The following TMEM108 variants were observed in gnomAD, a reference collection of about 807,000 sequenced individuals.
The protein encoded by TMEM108 is cancer/testis antigen 124.
Under a neutral mutation model 35.1 loss-of-function variants are expected in TMEM108, and 12 were observed. The observed-to-expected ratio is 0.34, with a 90% CI of 0.22 to 0.55. TMEM108 has a LOEUF of 0.55. Ranked by LOEUF, TMEM108 falls within the 20% of genes least tolerant of loss-of-function variation. The pLI, the probability that TMEM108 is intolerant of heterozygous loss-of-function variation, is 0.89. For synonymous variants in TMEM108, 287 were observed against 308.6 expected (o/e 0.93, Z 0.73); for missense variants, 680 against 753.3 (o/e 0.90, Z 1.14).
chr3:133,339,352 GA>G (rs2071594316), intron 3 of TMEM108, among the ~76,000 whole-genome samples: 1 of 151,874 alleles, frequency 6.6e-6, no homozygotes, highest in Non-Finnish European at 1.5e-5. Context: ...GCTTTAAGAA[GA>G]GACAAAGAAG....
At chr3:133,264,343 C>T (rs1167635941) in intron 3 of TMEM108, among the ~76,000 whole-genome samples, 2 of 152,060 alleles carry the variant, frequency 1.3e-5, no homozygotes, top group African/African-American at 2.4e-5. Context: ...ATCTATCATG[C>T]TATTTTCCCA....
intron 2 of TMEM108, among the ~76,000 whole-genome samples, chr3:133,125,566 G>A (rs1326904017): frequency 1.3e-5 from 2 of 152,104 alleles, no homozygotes; most frequent in African/African-American, 4.8e-5. Flanking sequence ...GTAGGTGGGG[G>A]TAGTATCAGA....
rs757330882 is a variant in TMEM108 at position 133,390,155 on chromosome 3, T to C, written c.1451-25T>C. ...CACCATCCTTGCTGCCTCCCTCTCCTCTCTGACTTGCACTCTCTCCATAGC... is the reference window on the plus strand; with the variant it reads ...CACCATCCTTGCTGCCTCCCTCTCCCCTCTGACTTGCACTCTCTCCATAGC... On this transcript the variant is annotated intron_variant, in intron 4 of 5. Coordinates refer to ENST00000321871, the MANE Select transcript of TMEM108 (RefSeq NM_023943.4). 5 of 1,613,714 alleles carry C rather than the reference T, an allele frequency of 3.1e-6. No homozygotes were observed. In the East Asian group the frequency reaches 6.7e-5, roughly 22 times the overall value.
intron 2 of TMEM108, among the ~76,000 whole-genome samples, chr3:133,066,499 G>A (rs964834601): frequency 6.6e-6 from 1 of 152,056 alleles, no homozygotes; most frequent in Admixed American, 6.6e-5. Flanking sequence ...CTGGCTTTTA[G>A]GGCCGATATT....
At chr3:133,312,308 G>C (rs1385382169) in intron 3 of TMEM108, among the ~76,000 whole-genome samples, 1 of 152,244 alleles carries the variant, frequency 6.6e-6, no homozygotes. Context: ...AGTTTCTGCT[G>C]TCTTTTGTTC....
chr3:133,104,635 T>A (rs2107718187), intron 2 of TMEM108, among the ~76,000 whole-genome samples: 1 of 152,316 alleles, frequency 6.6e-6, no homozygotes, highest in Admixed American at 6.5e-5. Context: ...GCTGGAAGTT[T>A]TCATTTCTCT....
intron 2 of TMEM108, among the ~76,000 whole-genome samples, chr3:133,224,552 A>G (rs553550435): frequency 6.6e-6 from 1 of 152,200 alleles, no homozygotes; most frequent in African/African-American, 2.4e-5. Context: ...TTTTCCCTAT[A>G]CTGTTCTCAT....
chr3:133,038,449 C>G lies in TMEM108; in HGVS notation c.-166+14C>G, dbSNP rs869368. ...GCTTCTCCCGAGGTAAGCGGCGCTC[C>G]GGGGCGTCCCCCCAGTCCTTCCCAT... On this transcript the variant is annotated intron_variant, in intron 1 of 5. Transcript: ENST00000321871. The G allele has an allele frequency of 0.27, 40,470 of 152,360 alleles. 5,848 individuals carry two copies. The highest frequency in any genetic ancestry group is 0.32 in the Non-Finnish European group (22,026 of 68,052). 9.4% of individuals were successfully genotyped at this position (152,360 alleles called of 1,614,324 possible).
At chr3:133,051,644 G>A (rs975824421) in intron 2 of TMEM108, among the ~76,000 whole-genome samples, 2 of 151,898 alleles carry the variant, frequency 1.3e-5, no homozygotes, top group Non-Finnish European at 2.9e-5. Context: ...TTATAGTTTT[G>A]TCCTTTACAT....
chr3:133,135,861 G>A (rs778086875), intron 2 of TMEM108, among the ~76,000 whole-genome samples: 1 of 152,186 alleles, frequency 6.6e-6, no homozygotes, highest in Non-Finnish European at 1.5e-5. Flanking sequence ...TTTGGGAGTG[G>A]AGGGAGGGTG....
chr3:133,150,933 G>A (rs1944790936), intron 2 of TMEM108, among the ~76,000 whole-genome samples: 1 of 152,170 alleles, frequency 6.6e-6, no homozygotes, highest in South Asian at 2.1e-4. Context: ...TTCCTGGTCA[G>A]TCCCCAGTTT....
In TMEM108 at chr3:133,372,881, G is replaced by T. The variant is rs546976144; in HGVS notation, c.41-6871G>T. On this transcript the variant is annotated intron_variant, in intron 3 of 5. Coordinates refer to ENST00000321871, the MANE Select transcript of TMEM108 (RefSeq NM_023943.4). ...CAAAACTCCTTGGTTTCATAAAGAAGTGAAGTCACAGGCATGGATTGCCTC... is the reference window on the plus strand; with the variant it reads ...CAAAACTCCTTGGTTTCATAAAGAATTGAAGTCACAGGCATGGATTGCCTC... 2.0e-5 allele frequency among the ~76,000 whole-genome samples: 3 copies of T among 152,354 alleles called. No homozygotes were observed. The East Asian group carries it at 5.8e-4, about 29-fold the overall frequency.
At chr3:133,175,167 G>A (rs1016652699) in intron 2 of TMEM108, among the ~76,000 whole-genome samples, 9 of 152,190 alleles carry the variant, frequency 5.9e-5, no homozygotes, top group African/African-American at 1.7e-4. Flanking sequence ...CAAGAAATAT[G>A]GGACTATGTG....
At chr3:133,104,306 G>T (rs1007402188) in intron 2 of TMEM108, among the ~76,000 whole-genome samples, 1 of 152,170 alleles carries the variant, frequency 6.6e-6, no homozygotes, top group African/African-American at 2.4e-5. Context: ...GCTATCTCTG[G>T]CAGTTATAAT....
At chr3:133,292,220 A>T (rs1947080034) in intron 3 of TMEM108, among the ~76,000 whole-genome samples, 1 of 152,218 alleles carries the variant, frequency 6.6e-6, no homozygotes, top group Admixed American at 6.5e-5. Flanking sequence ...TGGATAAGGA[A>T]ATATGTGTGG....
intron 2 of TMEM108, among the ~76,000 whole-genome samples, chr3:133,217,538 C>T (rs1323075093): frequency 6.6e-6 from 1 of 151,858 alleles, no homozygotes; most frequent in African/African-American, 2.4e-5. Flanking sequence ...ATGTCTTCTT[C>T]TAGTAGTAGA....
chr3:133,151,229 C>T (rs1488099888), intron 2 of TMEM108, among the ~76,000 whole-genome samples: 1 of 152,060 alleles, frequency 6.6e-6, no homozygotes, highest in Non-Finnish European at 1.5e-5. Context: ...TTTTCTGTTG[C>T]CCCCTTAGGA....
intron 2 of TMEM108, among the ~76,000 whole-genome samples, chr3:133,127,879 T>C (rs1014278252): frequency 1.3e-5 from 2 of 152,226 alleles, no homozygotes; most frequent in African/African-American, 2.4e-5. Context: ...AACATTTCCT[T>C]TGCCCCTTGC....
Position 133,112,570 on chromosome 3 carries a change from A to C in TMEM108, c.-47+66550A>C, listed in dbSNP as rs928929802. Among the ~76,000 whole-genome samples the C allele has an allele frequency of 2.6e-5, 4 of 152,222 alleles. No individual in the cohort carries two copies. The East Asian group carries it at 5.8e-4, about 22-fold the overall frequency. On this transcript the variant is annotated intron_variant, in intron 2 of 5. Coordinates refer to ENST00000321871, the MANE Select transcript of TMEM108 (RefSeq NM_023943.4). ...TAGAACTGAGAATAAGGATCATCAC[A>C]TGAATCAAGCATTCTTTTATCTTCC...
Sources: allele counts gnomAD v4.1 joint callset (sites outside exome capture counted in the v4.1 genomes callset), GRCh38; gene constraint gnomAD v4.1.1; transcripts MANE v1.5; gene names NCBI Gene and HGNC (gene_info 2026-07-23, HGNC 2026-07-21).